SUSD6: variants seen among roughly 807,000 people sequenced by gnomAD.
SUSD6 encodes sushi domain containing 6, also known as sushi domain-containing protein 6.
Under a neutral mutation model 28.4 loss-of-function variants are expected in SUSD6, and 16 were observed. That is an observed-to-expected ratio of 0.56 (90% CI 0.38 to 0.86). The LOEUF (loss-of-function observed/expected upper bound fraction) is 0.86. Ranked by LOEUF, SUSD6 falls within the 40% of genes least tolerant of loss-of-function variation. The pLI is 0.00. For missense variants in SUSD6, 341 were observed against 384.2 expected (o/e 0.89, Z 0.94); for synonymous variants, 147 against 159.6 (o/e 0.92, Z 0.59).
intron 1 of SUSD6, among the ~76,000 whole-genome samples, chr14:69,628,124 G>T (rs1042127891): frequency 1.3e-5 from 2 of 151,920 alleles, no homozygotes; most frequent in African/African-American, 4.8e-5. Flanking sequence ...GTAGAGACGG[G>T]GTTTCACCAT....
chr14:69,631,394 T>C (rs756261410), intron 1 of SUSD6, among the ~76,000 whole-genome samples: 1 of 152,242 alleles, frequency 6.6e-6, no homozygotes, highest in Non-Finnish European at 1.5e-5. Context: ...TCTACCAAGA[T>C]TGCATGCTTT....
chr14:69,680,604 C>A (rs575367406), intron 2 of SUSD6, among the ~76,000 whole-genome samples: 1 of 152,290 alleles, frequency 6.6e-6, no homozygotes, highest in East Asian at 1.9e-4. Flanking sequence ...AGCAATATAA[C>A]CCTCATCTGT....
At chr14:69,634,818 G>T (rs1885241152) in intron 1 of SUSD6, among the ~76,000 whole-genome samples, 1 of 152,124 alleles carries the variant, frequency 6.6e-6, no homozygotes, top group Non-Finnish European at 1.5e-5. Flanking sequence ...CACTACTGTT[G>T]GGATGAAGGG....
At chr14:69,633,956 G>A (rs1215535619) in intron 1 of SUSD6, among the ~76,000 whole-genome samples, 1 of 152,238 alleles carries the variant, frequency 6.6e-6, no homozygotes, top group Non-Finnish European at 1.5e-5. Flanking sequence ...CACAGCAGCA[G>A]CTGGAGGCTG....
chr14:69,702,561 C>A (rs992765118), intron 2 of SUSD6, among the ~76,000 whole-genome samples: 32 of 152,184 alleles, frequency 2.1e-4, no homozygotes, highest in African/African-American at 7.2e-4. Flanking sequence ...ACACCCATAC[C>A]CCTTAAAGGC....
chr14:69,656,162 C>A (rs1424289801), intron 1 of SUSD6, among the ~76,000 whole-genome samples: 1 of 151,172 alleles, frequency 6.6e-6, no homozygotes, highest in Non-Finnish European at 1.5e-5. Context: ...CTCCATTCTT[C>A]CCTCCCTCCC....
chr14:69,693,361 G>A (rs1886179463), intron 2 of SUSD6, among the ~76,000 whole-genome samples: 1 of 152,148 alleles, frequency 6.6e-6, no homozygotes, highest in Non-Finnish European at 1.5e-5. Flanking sequence ...GGAGGTGAAA[G>A]GGTAACAGGC....
intron 1 of SUSD6, among the ~76,000 whole-genome samples, chr14:69,626,923 G>T (rs559000567): frequency 1.3e-5 from 2 of 151,326 alleles, no homozygotes; most frequent in Admixed American, 6.6e-5. Context: ...GGCCTCAAGT[G>T]ATCCTCCTGC....
intron 2 of SUSD6, among the ~76,000 whole-genome samples, chr14:69,668,717 T>C (rs1308391029): frequency 2.6e-5 from 4 of 151,926 alleles, no homozygotes; most frequent in Admixed American, 6.6e-5. Flanking sequence ...AGTGTTGAAG[T>C]TGGGGCTTGG....
chr14:69,665,659 C>A (rs1595047682), intron 2 of SUSD6, among the ~76,000 whole-genome samples: 1 of 152,310 alleles, frequency 6.6e-6, no homozygotes, highest in African/African-American at 2.4e-5. Context: ...ATAGTAAATA[C>A]CACCTGCAGC....
chr14:69,626,813 G>T (rs1885121381), intron 1 of SUSD6, among the ~76,000 whole-genome samples: 1 of 151,548 alleles, frequency 6.6e-6, no homozygotes, highest in Non-Finnish European at 1.5e-5. Context: ...CTCCTAAGCA[G>T]CTCGGATTAC....
intron 1 of SUSD6, among the ~76,000 whole-genome samples, chr14:69,618,095 T>C (rs1203466501): frequency 6.6e-6 from 1 of 152,188 alleles, no homozygotes; most frequent in Non-Finnish European, 1.5e-5. Flanking sequence ...TGCAACAGAA[T>C]GTCTCCTTTT....
At position 69,711,295 on chromosome 14, in the gene SUSD6, CT is replaced by C. The variant is rs1444420135; in HGVS notation, c.*319del. ...GCCTCTGGGTCCCCTCCAGCCAGCT[CT>C]TTGGCGGCAGCCCCCACCAGCTCCT... is the stretch of plus-strand genomic sequence containing the variant. On this transcript the variant is annotated 3_prime_UTR_variant, in exon 6 of 6. Coordinates refer to ENST00000342745, the MANE Select transcript of SUSD6 (RefSeq NM_014734.4). 1 of 413,686 alleles carries C rather than the reference CT, an allele frequency of 2.4e-6. No homozygotes were observed. The highest frequency in any genetic ancestry group is 2.0e-5 in the African/African-American group (1 of 49,510). 25.6% of individuals were successfully genotyped at this position (413,686 alleles called of 1,614,324 possible).
chr14:69,696,137 C>T (rs1236439030), intron 2 of SUSD6, among the ~76,000 whole-genome samples: 1 of 152,238 alleles, frequency 6.6e-6, no homozygotes, highest in Non-Finnish European at 1.5e-5. Context: ...CCCTGCCCCC[C>T]TCAGCAGGCC....
chr14:69,655,245 T>G (rs1055391452), intron 1 of SUSD6, among the ~76,000 whole-genome samples: 7 of 152,224 alleles, frequency 4.6e-5, no homozygotes, highest in Non-Finnish European at 1.0e-4. Flanking sequence ...ACAGGTTGAA[T>G]TGCCCTGTTC....
chr14:69,654,064 C>T (rs1885543068), intron 1 of SUSD6, among the ~76,000 whole-genome samples: 2 of 152,198 alleles, frequency 1.3e-5, no homozygotes, highest in South Asian at 4.1e-4. Flanking sequence ...TGCACCTGTC[C>T]CGTCTTAGGC....
intron 1 of SUSD6, among the ~76,000 whole-genome samples, chr14:69,652,593 T>C: frequency 6.6e-6 from 1 of 152,224 alleles, no homozygotes; most frequent in East Asian, 1.9e-4. Context: ...TAGTGTTTGA[T>C]AGTGTGAGAT....
intron 2 of SUSD6, 90 bp from the exon 3 acceptor site, chr14:69,703,305 C>A: frequency 1.0e-6 from 1 of 1,000,300 alleles, no homozygotes; most frequent in Non-Finnish European, 1.5e-6. Flanking sequence ...TCCTGTGTTT[C>A]CTGTAGAGGC....
intron 2 of SUSD6, among the ~76,000 whole-genome samples, chr14:69,669,665 G>A (rs1218364150): frequency 6.6e-6 from 1 of 152,100 alleles, no homozygotes; most frequent in Non-Finnish European, 1.5e-5. Flanking sequence ...GGTTCTTCCT[G>A]TGGCTAGAAT....
Sources: gnomAD v4.1 joint callset for allele counts (sites outside exome capture counted in the v4.1 genomes callset) on GRCh38, gnomAD v4.1.1 for gene constraint, MANE v1.5 for transcripts, NCBI Gene and HGNC (gene_info 2026-07-23, HGNC 2026-07-21) for gene names.